Variants in AOPEP observed in about 807,000 individuals in gnomAD.
The protein encoded by AOPEP is aminopeptidase O (putative).
AOPEP carries 77 observed loss-of-function variants against 98.1 expected under a neutral mutation model. The observed-to-expected ratio is 0.78, with a 90% CI of 0.65 to 0.95. The LOEUF (loss-of-function observed/expected upper bound fraction) is 0.95. Ranked by LOEUF, AOPEP falls within the 40% of genes least tolerant of loss-of-function variation. The pLI is 0.00. For synonymous variants in AOPEP, 346 were observed against 365.3 expected, an observed-to-expected ratio of 0.95 and a Z score of 0.60; for missense variants, 1,024 against 1,024.7, an observed-to-expected ratio of 1.00 and a Z score of 0.01.
At chr9:94,745,782 A>G (rs1008959657) in intron 1 of AOPEP, among the ~76,000 whole-genome samples, 1 of 152,136 alleles carries the variant, frequency 6.6e-6, no homozygotes, top group Non-Finnish European at 1.5e-5. Flanking sequence ...ATGGACACTT[A>G]GGTTGATGCC....
At chr9:94,909,006 A>T (rs1055300156) in intron 5 of AOPEP, among the ~76,000 whole-genome samples, 2 of 152,188 alleles carry the variant, frequency 1.3e-5, no homozygotes, top group African/African-American at 4.8e-5. Flanking sequence ...AGGAGAACTG[A>T]ACTTGGCCTC....
At chr9:94,812,567 G>T (rs1850842437) in intron 5 of AOPEP, among the ~76,000 whole-genome samples, 1 of 152,108 alleles carries the variant, frequency 6.6e-6, no homozygotes, top group Non-Finnish European at 1.5e-5. Flanking sequence ...AAGTAGAGGA[G>T]GCTGAGAAAT....
chr9:95,130,669 C>T, the AOPEP span, among the ~76,000 whole-genome samples: 39 of 152,244 alleles, frequency 2.6e-4, 1 homozygote, highest in Admixed American at 2.2e-3. Context: ...ACCCAGCAGC[C>T]GGACAATCCC....
intron 5 of AOPEP, among the ~76,000 whole-genome samples, chr9:94,866,304 G>T (rs1018994847): frequency 1.3e-5 from 2 of 152,162 alleles, no homozygotes; most frequent in African/African-American, 4.8e-5. Flanking sequence ...TTATGAAATG[G>T]GGACTCTGAA....
At chr9:94,814,560 G>T (rs1396517488) in intron 5 of AOPEP, among the ~76,000 whole-genome samples, 1 of 152,210 alleles carries the variant, frequency 6.6e-6, no homozygotes, top group Non-Finnish European at 1.5e-5. Context: ...TCTAGCTCTA[G>T]CTCCTTTTAC....
At chr9:95,114,105 CA>C in the AOPEP span, 2 of 185,684 alleles carry the variant, frequency 1.1e-5, no homozygotes, top group South Asian at 2.3e-4. Flanking sequence ...TAAAACAAAC[CA>C]ACCAACCCAG....
intron 5 of AOPEP, among the ~76,000 whole-genome samples, chr9:94,885,037 G>A (rs986814607): frequency 1.1e-4 from 16 of 141,654 alleles, no homozygotes; most frequent in Non-Finnish European, 1.8e-4. Context: ...ATCAGACACT[G>A]GTGCAAAGTG....
At chr9:94,910,034 C>A (rs963991136) in intron 5 of AOPEP, among the ~76,000 whole-genome samples, 7 of 152,188 alleles carry the variant, frequency 4.6e-5, no homozygotes, top group African/African-American at 1.7e-4. Context: ...CTGTCTCCCC[C>A]ATTTCGGTTG....
At chr9:94,786,414 T>C (rs1160667555) in intron 3 of AOPEP, among the ~76,000 whole-genome samples, 1 of 152,162 alleles carries the variant, frequency 6.6e-6, no homozygotes, top group African/African-American at 2.4e-5. Context: ...AGCAATAAAC[T>C]CTCATTAATT....
chr9:95,149,996 T>G, the AOPEP span: 1 of 1,613,874 alleles, frequency 6.2e-7, no homozygotes, highest in Non-Finnish European at 8.5e-7. Flanking sequence ...CCATGACAGA[T>G]GAGGAGAGCC....
intron 2 of AOPEP, among the ~76,000 whole-genome samples, chr9:94,767,775 G>C (rs1022748761): frequency 6.6e-6 from 1 of 152,182 alleles, no homozygotes; most frequent in Non-Finnish European, 1.5e-5. Context: ...TGTCCGTTTT[G>C]ACTTTACGTA....
chr9:95,067,636 C>T (rs538884002), intron 14 of AOPEP, among the ~76,000 whole-genome samples: 146 of 152,308 alleles, frequency 9.6e-4, no homozygotes, highest in African/African-American at 3.3e-3. Flanking sequence ...GCTGAAACAG[C>T]CTTTCTCAAC....
chr9:94,811,713 C>T (rs1424532878), intron 5 of AOPEP, among the ~76,000 whole-genome samples: 1 of 152,222 alleles, frequency 6.6e-6, no homozygotes, highest in African/African-American at 2.4e-5. Flanking sequence ...CCTGCCCAGG[C>T]CCCTGTGCCT....
chr9:94,996,983 G>T (rs1420792642), intron 11 of AOPEP, among the ~76,000 whole-genome samples: 1 of 152,178 alleles, frequency 6.6e-6, no homozygotes, highest in Non-Finnish European at 1.5e-5. Context: ...CAAGGGAATG[G>T]ATGGCAGCCC....
chr9:94,938,301 G>A (rs2056577852), intron 7 of AOPEP, among the ~76,000 whole-genome samples: 2 of 152,170 alleles, frequency 1.3e-5, no homozygotes, highest in Admixed American at 1.3e-4. Context: ...CTCCGTGAGT[G>A]TTGAAAAAAT....
At chr9:95,126,758 C>T in the AOPEP span, 1,048 of 645,510 alleles carry the variant, frequency 1.6e-3, 9 homozygotes, top group African/African-American at 0.016. Context: ...CAAGTGCATA[C>T]GGTGGTCTCC....
chr9:94,745,278 A>ATT (rs547764225), intron 1 of AOPEP, among the ~76,000 whole-genome samples: 11 of 141,798 alleles, frequency 7.8e-5, no homozygotes, highest in Non-Finnish European at 1.2e-4. Context: ...AATTGTTTTA[A>ATT]TTTTTTTTTT....
chr9:94,795,349 C>G (rs1846687294), intron 4 of AOPEP, among the ~76,000 whole-genome samples: 1 of 152,042 alleles, frequency 6.6e-6, no homozygotes. Flanking sequence ...TGTGTTGGAA[C>G]AGAAAACAGA....
intron 5 of AOPEP, among the ~76,000 whole-genome samples, chr9:94,917,625 C>T (rs569836180): frequency 2.6e-5 from 4 of 152,310 alleles, no homozygotes; most frequent in African/African-American, 9.6e-5. Context: ...CTAGCCTTGG[C>T]ATCGTTGTTT....
Sources: allele counts gnomAD v4.1 joint callset (sites outside exome capture counted in the v4.1 genomes callset), GRCh38; gene constraint gnomAD v4.1.1; transcripts MANE v1.5; gene names NCBI Gene and HGNC (gene_info 2026-07-23, HGNC 2026-07-21).